NMT2: variants seen among roughly 807,000 people sequenced by gnomAD.
NMT2 encodes glycylpeptide N-tetradecanoyltransferase 2.
NMT2 carries 35 observed loss-of-function variants against 65.4 expected under a neutral mutation model. That is an observed-to-expected ratio of 0.54 (90% CI 0.41 to 0.71). The LOEUF (loss-of-function observed/expected upper bound fraction) is 0.71. NMT2 is among the 30% of genes least tolerant of loss of function. NMT2 has a pLI of 0.00. For missense variants in NMT2, 489 were observed against 611.3 expected, an observed-to-expected ratio of 0.80 and a Z score of 2.11; for synonymous variants, 226 against 231.8, an observed-to-expected ratio of 0.98 and a Z score of 0.23.
intron 8 of NMT2, among the ~76,000 whole-genome samples, chr10:15,125,144 A>T (rs535825965): frequency 6.6e-6 from 1 of 152,330 alleles, no homozygotes; most frequent in African/African-American, 2.4e-5. Context: ...CAGTTTCTTC[A>T]TCTGTAAAAT....
intron 8 of NMT2, among the ~76,000 whole-genome samples, chr10:15,120,185 T>C (rs1437883261): frequency 2.0e-5 from 3 of 152,188 alleles, no homozygotes; most frequent in Non-Finnish European, 4.4e-5. Context: ...ACAGGGGGCA[T>C]GGTGGCTCAT....
chr10:15,119,748 C>T (rs935583399), intron 8 of NMT2, among the ~76,000 whole-genome samples: 4 of 152,120 alleles, frequency 2.6e-5, no homozygotes, highest in Non-Finnish European at 4.4e-5. Flanking sequence ...AAAATATAGG[C>T]GAGACAGACA....
rs1438270667 is a variant in NMT2, at chr10:15,135,296, G to C, written c.369C>G (p.Asp123Glu). ...TACCTAGTTTTGGTACCGGTTGTGT[G>C]TCCCAAAACTGGTATCTGTGCTTTG... The part of the protein sequence containing the change: ...EAAKHRYQFW[D>E]TQPVPKLDEV... The change falls in exon 3 of 12, where the codon GAC becomes GAG. Residue 123 changes from aspartate (D) to glutamate (E), a missense_variant. By Grantham distance (45) the Asp-to-Glu change is conservative. Coordinates refer to ENST00000378165, the MANE Select transcript of NMT2 (RefSeq NM_004808.3). The C allele has an allele frequency of 6.2e-7, 1 of 1,614,100 alleles. No individual in the cohort carries two copies. Among genetic ancestry groups the C allele is most frequent in the East Asian group, 2.2e-5 (1 of 44,874 alleles).
chr10:15,121,435 T>G (rs1317726880), intron 8 of NMT2, among the ~76,000 whole-genome samples: 1 of 152,154 alleles, frequency 6.6e-6, no homozygotes, highest in Admixed American at 6.5e-5. Context: ...TGGTGCGATC[T>G]CGGTTCACTG....
At position 15,107,501 on chromosome 10, in the gene NMT2, G is replaced by A. The variant is rs1845344506; in HGVS notation, c.*1694C>T. ...GGAGTCTTGCACTGTCACCCAGGCT[G>A]GAGTGCAGTGGCACGATCTTGGCTC... On this transcript the variant is annotated 3_prime_UTR_variant, in exon 12 of 12. Transcript: ENST00000378165. The A allele has an allele frequency of 1.1e-6, 1 of 925,094 alleles. No homozygotes were observed. The highest frequency in any genetic ancestry group is 1.3e-6 in the Non-Finnish European group (1 of 774,798). The allele number at this position is 925,094 out of a possible 1,614,324, so 57.3% of individuals were successfully genotyped here. A position where few individuals can be genotyped will look rare whatever the true frequency, so the allele number is the denominator to read the frequency against.
At chr10:15,131,476 C>T (rs1261451169) in intron 6 of NMT2, among the ~76,000 whole-genome samples, 1 of 151,986 alleles carries the variant, frequency 6.6e-6, no homozygotes, top group African/African-American at 2.4e-5. Flanking sequence ...ATCTGTTTTT[C>T]CTAAATTATG....
At chr10:15,168,393 G>A in intron 1 of NMT2, 110 bp downstream of exon 1, 5 of 780,420 alleles carry the variant, frequency 6.4e-6, no homozygotes, top group Non-Finnish European at 1.0e-5. Flanking sequence ...GCCATCGCGG[G>A]GCGGAGCGGC....
In NMT2 at chr10:15,108,241, G is replaced by A. The variant is rs562557055; in HGVS notation, c.*954C>T. The A allele has an allele frequency of 9.6e-6, 9 of 940,122 alleles. No individual in the cohort carries two copies. The East Asian group carries it at 9.4e-4, about 98-fold the overall frequency. 58.2% of individuals were successfully genotyped at this position (940,122 alleles called of 1,614,324 possible). ...CACGCTCTGTCACCCAGGCTGGAGT[G>A]CAGTGGCTCGATCTCGGCTCACTGC... On this transcript the variant is annotated 3_prime_UTR_variant, in exon 12 of 12. Transcript: ENST00000378165.
chr10:15,129,849 G>A (rs1337442932), intron 7 of NMT2, among the ~76,000 whole-genome samples: 2 of 150,394 alleles, frequency 1.3e-5, no homozygotes, highest in Non-Finnish European at 1.5e-5. Flanking sequence ...GCGAGTTTGC[G>A]GTGAGCCAAT....
intron 1 of NMT2, among the ~76,000 whole-genome samples, chr10:15,141,761 C>A (rs1225952605): frequency 1.3e-5 from 2 of 152,216 alleles, no homozygotes; most frequent in Non-Finnish European, 2.9e-5. Context: ...CCCGCTCAGT[C>A]ATCCTGCAGG....
chr10:15,156,913 T>C (rs563430270), intron 1 of NMT2, among the ~76,000 whole-genome samples: 14 of 148,994 alleles, frequency 9.4e-5, no homozygotes, highest in Non-Finnish European at 1.9e-4. Flanking sequence ...AAAAAAAAGG[T>C]TTCGCAAAAA....
At chr10:15,143,514 T>G (rs368653518) in intron 1 of NMT2, among the ~76,000 whole-genome samples, 10 of 152,346 alleles carry the variant, frequency 6.6e-5, no homozygotes, top group African/African-American at 2.4e-4. Flanking sequence ...CGCTTTGAAG[T>G]AGATGCCTAT....
chr10:15,116,025 C>A (rs999955035), intron 9 of NMT2, among the ~76,000 whole-genome samples: 1 of 152,158 alleles, frequency 6.6e-6, no homozygotes, highest in Non-Finnish European at 1.5e-5. Flanking sequence ...GATAGAACTG[C>A]TAGACAGAAA....
intron 8 of NMT2, among the ~76,000 whole-genome samples, chr10:15,127,574 ATAAAT>A (rs1846132991): frequency 1.2e-5 from 1 of 83,676 alleles, no homozygotes; most frequent in African/African-American, 1.1e-4. Flanking sequence ...AAAAAAATAA[ATAAAT>A]AAATAAATAA....
At chr10:15,130,008 G>T in intron 7 of NMT2, 134 bp downstream of exon 7, 1 of 634,084 alleles carries the variant, frequency 1.6e-6, no homozygotes. Context: ...ATACCAGAAA[G>T]AATACTGGAC....
At chr10:15,144,396 C>T (rs1364249006) in intron 1 of NMT2, among the ~76,000 whole-genome samples, 2 of 152,092 alleles carry the variant, frequency 1.3e-5, no homozygotes, top group Non-Finnish European at 2.9e-5. Context: ...TAAGAGCTGA[C>T]CAGTGCACCG....
At chr10:15,137,989 TTTC>T (rs969156031) in intron 2 of NMT2, among the ~76,000 whole-genome samples, 72 of 151,530 alleles carry the variant, frequency 4.8e-4, no homozygotes, top group Middle Eastern at 6.8e-3. Flanking sequence ...AAATGCTTTC[TTTC>T]TTCTTCTTCT....
chr10:15,129,634 C>G (rs1204216264), intron 7 of NMT2, among the ~76,000 whole-genome samples: 1 of 152,096 alleles, frequency 6.6e-6, no homozygotes, highest in Non-Finnish European at 1.5e-5. Flanking sequence ...CTAGGTTTTC[C>G]CATGTAGAGA....
chr10:15,132,389 C>T (rs1425549401), intron 6 of NMT2, among the ~76,000 whole-genome samples: 2 of 152,038 alleles, frequency 1.3e-5, no homozygotes, highest in East Asian at 1.9e-4. Flanking sequence ...ACACAACCTC[C>T]CTGATCACCG....
Sources: gnomAD v4.1 joint callset for allele counts (sites outside exome capture counted in the v4.1 genomes callset) on GRCh38, gnomAD v4.1.1 for gene constraint, MANE v1.5 for transcripts, NCBI Gene and HGNC (gene_info 2026-07-23, HGNC 2026-07-21) for gene names.